Variants in RERE observed in about 807,000 individuals in gnomAD.
RERE encodes arginine-glutamic acid dipeptide repeats protein.
Under a neutral mutation model 146.1 loss-of-function variants are expected in RERE, and 40 were observed. The ratio of observed to expected loss-of-function variants is 0.27; its 90% confidence interval spans 0.21 to 0.36. RERE has a LOEUF of 0.36. Ranked by LOEUF, RERE falls within the 10% of genes least tolerant of loss-of-function variation. The pLI, the probability that RERE is intolerant of heterozygous loss-of-function variation, is 1.00. For missense variants in RERE, 1,933 were observed against 2,138.7 expected, an observed-to-expected ratio of 0.90 and a Z score of 1.90; for synonymous variants, 1,003 against 866.0, an observed-to-expected ratio of 1.16 and a Z score of -2.78.
chr1:8,542,225 C>A (rs1174901116), intron 6 of RERE, among the ~76,000 whole-genome samples: 2 of 152,066 alleles, frequency 1.3e-5, no homozygotes, highest in African/African-American at 4.8e-5. Context: ...CACTTTAATG[C>A]CAAGTGGAAG....
chr1:8,442,107 G>A (rs889198298), intron 11 of RERE, among the ~76,000 whole-genome samples: 4 of 152,206 alleles, frequency 2.6e-5, no homozygotes, highest in Non-Finnish European at 5.9e-5. Context: ...TGAACTTGTC[G>A]GGCATGGTGG....
chr1:8,486,505 G>C (rs1338579165), intron 10 of RERE, among the ~76,000 whole-genome samples: 1 of 151,944 alleles, frequency 6.6e-6, no homozygotes, highest in African/African-American at 2.4e-5. Context: ...CAGAATAATA[G>C]ATCACAACAA....
At position 8,627,313 on chromosome 1, in the gene RERE, G is replaced by A. The variant is rs116038431; in HGVS notation, c.326-2933C>T. ...TTCTACCTTCCCCGTACTCACCAAG[G>A]ACTAATGTCTGCCATTAGTGTGGGG... On this transcript the variant is annotated intron_variant, in intron 2 of 22. Transcript: ENST00000400908. Among the ~76,000 whole-genome samples, 1,301 of 151,986 alleles carry A rather than the reference G, an allele frequency of 8.6e-3. 21 individuals carry two copies. The highest frequency in any genetic ancestry group is 0.03 in the African/African-American group (1,226 of 41,418).
At chr1:8,573,340 T>C (rs576783367) in intron 4 of RERE, among the ~76,000 whole-genome samples, 1 of 152,218 alleles carries the variant, frequency 6.6e-6, no homozygotes, top group Admixed American at 6.5e-5. Context: ...TTAATATATA[T>C]ATATAACTAA....
At chr1:8,555,150 C>A (rs1440817920) in intron 6 of RERE, among the ~76,000 whole-genome samples, 1 of 152,226 alleles carries the variant, frequency 6.6e-6, no homozygotes, top group Non-Finnish European at 1.5e-5. Context: ...CCAGAAAAGC[C>A]ATATCTGGCA....
intron 1 of RERE, among the ~76,000 whole-genome samples, chr1:8,739,081 CAAGGG>C (rs1640258652): frequency 6.6e-6 from 1 of 152,116 alleles, no homozygotes; most frequent in African/African-American, 2.4e-5. Context: ...GTAATTTGAA[CAAGGG>C]AAGATAAAAA....
At chr1:8,717,138 C>A (rs1183900625) in intron 1 of RERE, among the ~76,000 whole-genome samples, 3 of 152,160 alleles carry the variant, frequency 2.0e-5, no homozygotes, top group South Asian at 4.1e-4. Context: ...CATCCAGCTT[C>A]AAAAAACTTA....
At chr1:8,794,357 CAAAA>C (rs34549021) in intron 1 of RERE, among the ~76,000 whole-genome samples, 125 of 40,554 alleles carry the variant, frequency 3.1e-3, no homozygotes, top group African/African-American at 0.011. Flanking sequence ...GACTCCGTCT[CAAAA>C]AAAAAAAAAA....
At chr1:8,438,291 G>C (rs1472838451) in intron 11 of RERE, among the ~76,000 whole-genome samples, 1 of 152,054 alleles carries the variant, frequency 6.6e-6, no homozygotes, top group Non-Finnish European at 1.5e-5. Context: ...TGCCCAGCCA[G>C]ATCTCACTCC....
At chr1:8,685,738 G>A (rs1401377097) in intron 1 of RERE, among the ~76,000 whole-genome samples, 3 of 152,154 alleles carry the variant, frequency 2.0e-5, no homozygotes, top group African/African-American at 4.8e-5. Flanking sequence ...GGTTTTTCAG[G>A]TGGTACAATG....
rs1641748302 is a variant in RERE, at chr1:8,365,069, C to T, written c.1448-231G>A. ...CAGGACAGAGGGCCTGTGTGTGAGG[C>T]GCCATACCCAAGGGCCTGCCCTGCC... On this transcript the variant is annotated intron_variant, in intron 13 of 22. Coordinates refer to ENST00000400908, the MANE Select transcript of RERE (RefSeq NM_001042681.2). 3.3e-5 allele frequency among the ~76,000 whole-genome samples: 5 copies of T among 152,288 alleles called. No homozygotes were observed. The South Asian group carries it at 8.3e-4, about 25-fold the overall frequency.
At chr1:8,668,924 C>CTGTGTGTGTGTGTG (rs58718828) in intron 1 of RERE, among the ~76,000 whole-genome samples, 80 of 83,534 alleles carry the variant, frequency 9.6e-4, no homozygotes, top group South Asian at 1.6e-3. Context: ...GCACTAAACT[C>CTGTGTGTGTGTGTG]TGTGTGTGTG....
intron 11 of RERE, among the ~76,000 whole-genome samples, chr1:8,431,640 G>A (rs1644097030): frequency 6.6e-6 from 1 of 152,180 alleles, no homozygotes; most frequent in South Asian, 2.1e-4. Context: ...GACCTCTGCT[G>A]TATACCACTG....
intron 1 of RERE, among the ~76,000 whole-genome samples, chr1:8,683,508 A>G (rs1179060658): frequency 2.0e-5 from 3 of 152,200 alleles, no homozygotes; most frequent in Non-Finnish European, 4.4e-5. Flanking sequence ...CATCCACTGT[A>G]GACTGTCTAA....
At chr1:8,801,476 T>A (rs1641590919) in intron 1 of RERE, among the ~76,000 whole-genome samples, 1 of 151,816 alleles carries the variant, frequency 6.6e-6, no homozygotes, top group African/African-American at 2.4e-5. Flanking sequence ...TCCATGTTGG[T>A]CAGGCTGGTC....
At chr1:8,362,477 C>T (rs980578709) in intron 16 of RERE, among the ~76,000 whole-genome samples, 11 of 152,172 alleles carry the variant, frequency 7.2e-5, no homozygotes, top group African/African-American at 2.7e-4. Context: ...GCAGAGGTGG[C>T]CCCCAAGAGT....
rs188992093 is a variant in RERE, at chr1:8,364,517, C to A, written c.1540+229G>T. Among the ~76,000 whole-genome samples the A allele has an allele frequency of 3.3e-3, 500 of 152,238 alleles. 1 individual carries two copies. The highest frequency in any genetic ancestry group is 6.0e-3 in the Non-Finnish European group (409 of 67,996). On this transcript the variant is annotated intron_variant, in intron 14 of 22. Transcript: ENST00000400908. The surrounding 1 kb of genome is among the most constrained non-coding windows in gnomAD (Gnocchi z 5.1). ...CTCCTGGGAACTACAGTGTCAACCC[C>A]CCAATCCCACTCAATCTGTCCTGCC... is the stretch of plus-strand genomic sequence containing the variant.
intron 1 of RERE, among the ~76,000 whole-genome samples, chr1:8,694,981 G>GGC (rs369046389): frequency 4.0e-5 from 5 of 125,402 alleles, no homozygotes; most frequent in South Asian, 5.7e-4. Flanking sequence ...TAAGGGGGGG[G>GGC]GGGGAATGCT....
At chr1:8,505,931 A>C (rs1051711142) in intron 8 of RERE, among the ~76,000 whole-genome samples, 6 of 152,256 alleles carry the variant, frequency 3.9e-5, no homozygotes, top group African/African-American at 1.4e-4. Context: ...AATACATTTA[A>C]AATCTGATGT....
Sources: allele counts gnomAD v4.1 joint callset (sites outside exome capture counted in the v4.1 genomes callset), GRCh38; gene constraint gnomAD v4.1.1; non-coding constraint Gnocchi (gnomAD v3.1); transcripts MANE v1.5; gene names NCBI Gene and HGNC (gene_info 2026-07-23, HGNC 2026-07-21).